Variants in DEUP1 observed in about 807,000 individuals in gnomAD.
DEUP1 encodes deuterosome assembly protein 1.
A neutral mutation model predicts 87.4 loss-of-function variants in DEUP1; 82 were observed. That is an observed-to-expected ratio of 0.94 (90% CI 0.78 to 1.13). The LOEUF (loss-of-function observed/expected upper bound fraction) is 1.13. Ranked by LOEUF, DEUP1 falls within the 50% of genes most tolerant of loss-of-function variation. The pLI, the probability that DEUP1 is intolerant of heterozygous loss-of-function variation, is 0.00. For missense variants in DEUP1, 663 were observed against 681.5 expected (o/e 0.97, Z 0.30); for synonymous variants, 214 against 222.7 (o/e 0.96, Z 0.35).
chr11:93,389,504 C>G (rs945064913), intron 9 of DEUP1, among the ~76,000 whole-genome samples: 2 of 151,886 alleles, frequency 1.3e-5, no homozygotes, highest in Non-Finnish European at 2.9e-5. Context: ...TAATTGGTAC[C>G]TACCTCATAA....
intron 11 of DEUP1, 84 bp downstream of exon 11, chr11:93,396,409 C>A: frequency 1.2e-6 from 1 of 824,740 alleles, no homozygotes; most frequent in Non-Finnish European, 1.9e-6. Context: ...TTATTGAGCA[C>A]TTGCTGTGTG....
intron 7 of DEUP1, among the ~76,000 whole-genome samples, chr11:93,376,141 G>A (rs934225975): frequency 2.6e-4 from 40 of 152,004 alleles, no homozygotes; most frequent in Non-Finnish European, 5.7e-4. Flanking sequence ...GTGTATTTTT[G>A]TGTTGTTGGC....
intron 13 of DEUP1, among the ~76,000 whole-genome samples, chr11:93,434,588 G>C (rs900276288): frequency 6.6e-6 from 1 of 152,178 alleles, no homozygotes; most frequent in Non-Finnish European, 1.5e-5. Flanking sequence ...GGCATGAGGA[G>C]CCCAAAGTGA....
At chr11:93,404,363 G>T (rs2134402532) in intron 11 of DEUP1, among the ~76,000 whole-genome samples, 1 of 152,114 alleles carries the variant, frequency 6.6e-6, no homozygotes, top group African/African-American at 2.4e-5. Flanking sequence ...ATTTAAGAAA[G>T]TTGTAATAAA....
At chr11:93,370,890 A>G (rs1378862144) in intron 6 of DEUP1, 148 bp from the exon 7 acceptor site, 1 of 703,582 alleles carries the variant, frequency 1.4e-6, no homozygotes, top group East Asian at 2.8e-5. Context: ...TAAAACAAAT[A>G]TAAGACTGAA....
intron 12 of DEUP1, chr11:93,410,946 G>A (rs1425739856): frequency 6.6e-6 from 1 of 152,188 alleles, no homozygotes; most frequent in Non-Finnish European, 1.5e-5. Context: ...TTCATTTGTT[G>A]AAAGTTTCAT....
intron 2 of DEUP1, among the ~76,000 whole-genome samples, chr11:93,339,382 A>G: frequency 6.6e-6 from 1 of 152,218 alleles, no homozygotes; most frequent in East Asian, 1.9e-4. Context: ...ATGGTTTCCA[A>G]ATTTTCTCTA....
chr11:93,355,319 G>A, intron 2 of DEUP1, 52 bp from the exon 3 acceptor site: 1 of 1,504,332 alleles, frequency 6.6e-7, no homozygotes, highest in Non-Finnish European at 9.1e-7. Flanking sequence ...AATTTTTTTT[G>A]CCCTCACATT....
chr11:93,364,877 G>A (rs773850601), intron 5 of DEUP1, among the ~76,000 whole-genome samples: 19 of 151,912 alleles, frequency 1.3e-4, no homozygotes, highest in Non-Finnish European at 2.1e-4. Context: ...ACACTGTGTC[G>A]TTGATGCACT....
intron 11 of DEUP1, among the ~76,000 whole-genome samples, chr11:93,399,175 A>G (rs1444592234): frequency 6.6e-6 from 1 of 151,724 alleles, no homozygotes; most frequent in East Asian, 1.9e-4. Flanking sequence ...TCTTCTTGTT[A>G]CATATATATA....
At chr11:93,411,427 T>C (rs988445677) in intron 12 of DEUP1, among the ~76,000 whole-genome samples, 2 of 152,228 alleles carry the variant, frequency 1.3e-5, no homozygotes, top group Non-Finnish European at 2.9e-5. Context: ...GGAAGACTTA[T>C]ATAATACATT....
chr11:93,376,495 T>C (rs1439512454), intron 7 of DEUP1, among the ~76,000 whole-genome samples: 3 of 152,210 alleles, frequency 2.0e-5, no homozygotes, highest in African/African-American at 4.8e-5. Context: ...ATTGAGCTTA[T>C]TTGGATCTTC....
chr11:93,413,640 A>G (rs777753493), intron 12 of DEUP1, among the ~76,000 whole-genome samples: 2 of 152,208 alleles, frequency 1.3e-5, no homozygotes. Flanking sequence ...GTAAAACTTT[A>G]GGATAAATTG....
chr11:93,415,261 T>A, intron 13 of DEUP1, 147 bp downstream of exon 13: 2 of 453,314 alleles, frequency 4.4e-6, no homozygotes, highest in South Asian at 8.5e-5. Context: ...TGCGAGCCAT[T>A]TGGCCATACC....
intron 7 of DEUP1, among the ~76,000 whole-genome samples, chr11:93,374,094 G>C (rs1220956373): frequency 6.6e-6 from 1 of 152,012 alleles, no homozygotes; most frequent in East Asian, 1.9e-4. Flanking sequence ...TTTGAGAATT[G>C]TCATTCATGT....
chr11:93,364,377 A>G, intron 5 of DEUP1, 83 bp downstream of exon 5: 5 of 1,236,560 alleles, frequency 4.0e-6, no homozygotes, highest in Non-Finnish European at 5.8e-6. Flanking sequence ...AGTGTCCACA[A>G]TGGTGTCTTC....
intron 10 of DEUP1, 42 bp downstream of exon 10, chr11:93,394,698 T>G (rs995841665): frequency 4.3e-6 from 6 of 1,400,272 alleles, no homozygotes; most frequent in Non-Finnish European, 5.9e-6. Context: ...GGGCACATTC[T>G]TGCTCAGTGC....
intron 7 of DEUP1, among the ~76,000 whole-genome samples, chr11:93,377,259 GGTC>G (rs1184353636): frequency 6.6e-6 from 1 of 152,050 alleles, no homozygotes; most frequent in Admixed American, 6.6e-5. Flanking sequence ...TCATTTCTTA[GGTC>G]TAGTGGTAAT....
At chr11:93,343,222 G>A (rs1017029819) in intron 2 of DEUP1, among the ~76,000 whole-genome samples, 7 of 152,170 alleles carry the variant, frequency 4.6e-5, no homozygotes, top group Admixed American at 3.3e-4. Flanking sequence ...TTATCAATGT[G>A]TGCCTAATTC....
Sources: allele counts gnomAD v4.1 joint callset (sites outside exome capture counted in the v4.1 genomes callset), GRCh38; gene constraint gnomAD v4.1.1; transcripts MANE v1.5; gene names NCBI Gene and HGNC (gene_info 2026-07-23, HGNC 2026-07-21).